ABI3BP: variants seen among roughly 807,000 people sequenced by gnomAD.
ABI3BP encodes the protein target of Nesh-SH3.
A neutral mutation model predicts 268.6 loss-of-function variants in ABI3BP; 216 were observed. The observed-to-expected ratio is 0.80, with a 90% CI of 0.72 to 0.90. The LOEUF is 0.90. Among genes scored for constraint, ABI3BP ranks in the 40% least tolerant of loss-of-function variants. The probability of loss-of-function intolerance (pLI) is 0.00; values close to 1 mark genes in which losing one functional copy is unlikely to be tolerated. For synonymous variants in ABI3BP, 730 were observed against 730.0 expected (o/e 1.00, Z 0.00); for missense variants, 2,090 against 2,182.4 (o/e 0.96, Z 0.84).
chr3:100,992,074 A>T (rs1005968134), intron 1 of ABI3BP, among the ~76,000 whole-genome samples: 1 of 152,216 alleles, frequency 6.6e-6, no homozygotes, highest in African/African-American at 2.4e-5. Flanking sequence ...TCACAGTTTT[A>T]TTGTGATCAA....
intron 1 of ABI3BP, among the ~76,000 whole-genome samples, chr3:100,991,664 T>C (rs2713757): frequency 0.52 from 78,838 of 152,066 alleles, 20,766 homozygotes; most frequent in African/African-American, 0.58. Flanking sequence ...AAAACAAGAC[T>C]TGCCATTTCT....
chr3:100,944,230 A>T (rs1393423103), intron 1 of ABI3BP, among the ~76,000 whole-genome samples: 4 of 152,168 alleles, frequency 2.6e-5, no homozygotes, highest in Non-Finnish European at 5.9e-5. Flanking sequence ...TTTAATTTTT[A>T]AAAATCCTGT....
chr3:100,911,449 GT>G, intron 2 of ABI3BP: 1 of 362,424 alleles, frequency 2.8e-6, no homozygotes, highest in East Asian at 6.6e-5. Context: ...GTTTTAATCT[GT>G]TTATATCCTT....
At chr3:100,853,921 GT>G (rs1560853582) in intron 14 of ABI3BP, among the ~76,000 whole-genome samples, 1 of 152,080 alleles carries the variant, frequency 6.6e-6, no homozygotes, top group Non-Finnish European at 1.5e-5. Flanking sequence ...TATTTCTGTA[GT>G]TTCCATGAGT....
At chr3:100,791,420 G>C (rs1023240714) in intron 55 of ABI3BP, among the ~76,000 whole-genome samples, 3 of 151,824 alleles carry the variant, frequency 2.0e-5, no homozygotes, top group African/African-American at 7.3e-5. Flanking sequence ...TATTTATCCT[G>C]CTTGTTGTAA....
At chr3:100,945,346 A>G (rs2071606176) in intron 1 of ABI3BP, among the ~76,000 whole-genome samples, 2 of 152,148 alleles carry the variant, frequency 1.3e-5, no homozygotes, top group Non-Finnish European at 2.9e-5. Flanking sequence ...CATATATCAT[A>G]AAATTCTCCC....
chr3:100,935,914 C>A (rs1017630283), intron 1 of ABI3BP, among the ~76,000 whole-genome samples: 4 of 152,158 alleles, frequency 2.6e-5, no homozygotes, highest in African/African-American at 7.2e-5. Context: ...ACAATCATGT[C>A]ATCTGCAAAC....
At chr3:100,811,852 G>T in intron 46 of ABI3BP, 53 bp from the exon 47 acceptor site, 2 of 1,223,846 alleles carry the variant, frequency 1.6e-6, no homozygotes, top group Non-Finnish European at 2.3e-6. Context: ...AAAGCACACT[G>T]TAATAGAACC....
intron 4 of ABI3BP, among the ~76,000 whole-genome samples, 197 bp downstream of exon 4, chr3:100,898,565 T>C (rs530809090): frequency 6.6e-6 from 1 of 152,328 alleles, no homozygotes; most frequent in East Asian, 1.9e-4. Context: ...AGTTCATGAT[T>C]TTTGAAAAAA....
intron 57 of ABI3BP, among the ~76,000 whole-genome samples, chr3:100,785,367 G>C (rs1235729888): frequency 1.3e-5 from 2 of 152,128 alleles, no homozygotes; most frequent in African/African-American, 2.4e-5. Flanking sequence ...AAAGAAGTCT[G>C]ATCAAAACTA....
chr3:100,879,297 A>G (rs2099200871), intron 6 of ABI3BP, among the ~76,000 whole-genome samples: 1 of 152,190 alleles, frequency 6.6e-6, no homozygotes, highest in Admixed American at 6.6e-5. Context: ...AGAGAGCCAC[A>G]TTATTTTTCT....
At chr3:100,803,457 GA>G (rs1245063890) in intron 51 of ABI3BP, among the ~76,000 whole-genome samples, 1 of 145,074 alleles carries the variant, frequency 6.9e-6, no homozygotes, top group Non-Finnish European at 1.6e-5. Context: ...ATAATTTTAT[GA>G]TAGTAAATTC....
In ABI3BP at chr3:100,749,480, C is replaced by G. The variant is rs1283452610; in HGVS notation, c.*1015G>C. The G allele has an allele frequency of 7.6e-5, 30 of 394,652 alleles. No homozygotes were observed. In the East Asian group the frequency reaches 1.1e-3, roughly 14 times the overall value. 24.4% of individuals were successfully genotyped at this position (394,652 alleles called of 1,614,324 possible). ...GACTGCAACAGTGCAGCAAGGATTC[C>G]CATTCCCCGCCTAAAGGACAATACC... On this transcript the variant is annotated 3_prime_UTR_variant, in exon 68 of 68. Coordinates refer to ENST00000471714, the MANE Select transcript of ABI3BP (RefSeq NM_001375547.2).
chr3:100,981,741 A>T (rs1453401979), intron 1 of ABI3BP, among the ~76,000 whole-genome samples: 1 of 152,256 alleles, frequency 6.6e-6, no homozygotes, highest in Middle Eastern at 3.4e-3. Flanking sequence ...CATGGCAAGA[A>T]TTATGTTGAA....
At chr3:100,926,631 G>A (rs2304513) in intron 1 of ABI3BP, 150 bp from the exon 2 acceptor site, 15 of 668,834 alleles carry the variant, frequency 2.2e-5, no homozygotes, top group Non-Finnish European at 3.1e-5. Flanking sequence ...ACACCCAAAC[G>A]CCCAAAATGA....
At chr3:100,985,990 C>T (rs1007542457) in intron 1 of ABI3BP, among the ~76,000 whole-genome samples, 5 of 152,176 alleles carry the variant, frequency 3.3e-5, no homozygotes, top group African/African-American at 1.2e-4. Flanking sequence ...ATACAATCAA[C>T]TTGTATGGTA....
At chr3:100,807,404 A>G (rs1231555306) in intron 50 of ABI3BP, among the ~76,000 whole-genome samples, 1 of 151,962 alleles carries the variant, frequency 6.6e-6, no homozygotes, top group Non-Finnish European at 1.5e-5. Context: ...TCATATATTT[A>G]TTATCAGAAT....
intron 63 of ABI3BP, among the ~76,000 whole-genome samples, chr3:100,757,565 C>T (rs1191251532): frequency 6.6e-6 from 1 of 152,156 alleles, no homozygotes; most frequent in Non-Finnish European, 1.5e-5. Flanking sequence ...CATGTGAGGA[C>T]TCAAAAATAT....
chr3:100,774,382 C>T (rs1293060803), intron 61 of ABI3BP, among the ~76,000 whole-genome samples: 1 of 152,094 alleles, frequency 6.6e-6, no homozygotes, highest in Non-Finnish European at 1.5e-5. Context: ...GAGTCCAACC[C>T]ACAAGAGGCC....
Sources: allele counts gnomAD v4.1 joint callset (sites outside exome capture counted in the v4.1 genomes callset), GRCh38; gene constraint gnomAD v4.1.1; transcripts MANE v1.5; gene names NCBI Gene and HGNC (gene_info 2026-07-23, HGNC 2026-07-21).